The following UBAC2 variants were observed in gnomAD, a reference collection of about 807,000 sequenced individuals.
UBAC2 encodes the protein UBA domain containing 2, also known as ubiquitin-associated domain-containing protein 2.
A neutral mutation model predicts 44.0 loss-of-function variants in UBAC2; 26 were observed. That is an observed-to-expected ratio of 0.59 (90% confidence interval 0.43 to 0.82). The LOEUF (loss-of-function observed/expected upper bound fraction) is 0.82, where lower values mean the gene tolerates loss of function less well. Among genes scored for constraint, UBAC2 ranks in the 40% least tolerant of loss-of-function variants. UBAC2 has a pLI of 0.00. For synonymous variants in UBAC2, 155 were observed against 154.3 expected (o/e 1.00, Z -0.04); for missense variants, 329 against 419.4 (o/e 0.78, Z 1.88).
chr13:99,355,769 GCC>G (rs933010176), intron 7 of UBAC2, among the ~76,000 whole-genome samples: 31 of 152,154 alleles, frequency 2.0e-4, no homozygotes, highest in African/African-American at 7.2e-4. Flanking sequence ...GGTGCCACAA[GCC>G]CCCCCGCAGC....
chr13:99,368,081 G>A (rs981397886), intron 8 of UBAC2, among the ~76,000 whole-genome samples, 175 bp downstream of exon 8: 8 of 151,688 alleles, frequency 5.3e-5, no homozygotes, highest in East Asian at 1.9e-4. Context: ...TGGTTCTTAC[G>A]AGTTTAAGGA....
intron 8 of UBAC2, among the ~76,000 whole-genome samples, chr13:99,376,177 G>A (rs2045478121): frequency 6.6e-6 from 1 of 152,202 alleles, no homozygotes; most frequent in Admixed American, 6.5e-5. Flanking sequence ...CACATTATTA[G>A]GGAATGTATT....
rs571060900 is a variant in UBAC2 at position 99,295,247 on chromosome 13, T to G, written c.390-18850T>G. On this transcript the variant is annotated intron_variant, in intron 4 of 8. Coordinates refer to ENST00000403766, the MANE Select transcript of UBAC2 (RefSeq NM_001144072.2). The surrounding 1 kb of genome is among the most constrained non-coding windows in gnomAD (Gnocchi z 4.1). Reference sequence around the variant, plus strand: ...GTAGATAAAAGGGTCCATGCAGCAATTGAAGTTCATCAGGCATACTGTAAA... The same window carrying G: ...GTAGATAAAAGGGTCCATGCAGCAAGTGAAGTTCATCAGGCATACTGTAAA... 11 of 1,614,134 alleles carry G rather than the reference T, an allele frequency of 6.8e-6. No individual in the cohort carries two copies. The East Asian group carries it at 1.8e-4, about 26-fold the overall frequency.
intron 4 of UBAC2, among the ~76,000 whole-genome samples, chr13:99,302,986 G>A (rs2044278789): frequency 7.2e-6 from 1 of 138,762 alleles, no homozygotes; most frequent in South Asian, 2.5e-4. Flanking sequence ...AGTTGACTGT[G>A]GTCCGTCTGT....
intron 4 of UBAC2, among the ~76,000 whole-genome samples, chr13:99,296,946 G>A (rs1261768632): frequency 6.6e-6 from 1 of 152,176 alleles, no homozygotes; most frequent in African/African-American, 2.4e-5. Flanking sequence ...ATAGTAGCAA[G>A]CATCACACTT....
chr13:99,384,471 GA>G (rs2045592315), intron 8 of UBAC2, among the ~76,000 whole-genome samples: 1 of 152,210 alleles, frequency 6.6e-6, no homozygotes, highest in Non-Finnish European at 1.5e-5. Flanking sequence ...AAAAGTACAG[GA>G]AATCTCCGTA....
At chr13:99,299,067 A>G (rs1446121467) in intron 4 of UBAC2, among the ~76,000 whole-genome samples, 3 of 152,176 alleles carry the variant, frequency 2.0e-5, no homozygotes, top group Admixed American at 6.5e-5. Flanking sequence ...CCATATGAAT[A>G]ATTATTATTG....
intron 4 of UBAC2, among the ~76,000 whole-genome samples, chr13:99,309,781 T>TG (rs1368159997): frequency 2.0e-5 from 3 of 151,748 alleles, no homozygotes; most frequent in Non-Finnish European, 4.4e-5. Context: ...TTGTATTTTT[T>TG]TGTGTGTGTG....
intron 7 of UBAC2, among the ~76,000 whole-genome samples, chr13:99,341,674 G>A (rs1340563980): frequency 2.6e-5 from 4 of 152,332 alleles, no homozygotes; most frequent in African/African-American, 9.6e-5. Context: ...AGTAAGTTCT[G>A]TAAGAGAAGA....
At chr13:99,221,277 A>G (rs559669189) in intron 1 of UBAC2, among the ~76,000 whole-genome samples, 25 of 152,172 alleles carry the variant, frequency 1.6e-4, no homozygotes, top group African/African-American at 5.1e-4. Flanking sequence ...ACCTCCACAA[A>G]CTGCAGTCTT....
intron 4 of UBAC2, among the ~76,000 whole-genome samples, chr13:99,270,362 A>G (rs1327824459): frequency 3.3e-5 from 5 of 152,246 alleles, no homozygotes; most frequent in African/African-American, 2.4e-5. Flanking sequence ...TGTTTTCACT[A>G]GAATGCACAT....
intron 1 of UBAC2, chr13:99,215,390 T>C (rs936328424): frequency 4.9e-6 from 6 of 1,227,102 alleles, no homozygotes; most frequent in Non-Finnish European, 7.2e-6. Flanking sequence ...TCTTCTGTTG[T>C]CCTTTCTTCC....
At chr13:99,309,851 A>G (rs1025804895) in intron 4 of UBAC2, among the ~76,000 whole-genome samples, 3 of 152,130 alleles carry the variant, frequency 2.0e-5, no homozygotes, top group Non-Finnish European at 4.4e-5. Context: ...ACCTCAAGCC[A>G]TCTGCCCACC....
At chr13:99,205,062 C>T (rs1260069524) in intron 1 of UBAC2, among the ~76,000 whole-genome samples, 1 of 152,050 alleles carries the variant, frequency 6.6e-6, no homozygotes, top group Non-Finnish European at 1.5e-5. Flanking sequence ...TGATGCCACA[C>T]CCGGCTAATT....
intron 1 of UBAC2, among the ~76,000 whole-genome samples, chr13:99,206,787 C>G (rs1456950080): frequency 6.6e-6 from 1 of 152,220 alleles, no homozygotes; most frequent in Non-Finnish European, 1.5e-5. Context: ...TCTATTTTGT[C>G]TTCGGCTCAA....
intron 1 of UBAC2, among the ~76,000 whole-genome samples, chr13:99,216,085 TGTG>T (rs2042992121): frequency 2.0e-5 from 1 of 51,198 alleles, no homozygotes; most frequent in Non-Finnish European, 5.2e-5. Context: ...CCTATATTTG[TGTG>T]TGTGTGTGTG....
intron 8 of UBAC2, among the ~76,000 whole-genome samples, chr13:99,373,432 C>T (rs1338190104): frequency 6.6e-6 from 1 of 152,166 alleles, no homozygotes; most frequent in Non-Finnish European, 1.5e-5. Flanking sequence ...TTCCTCTCTT[C>T]GATTCATGTC....
chr13:99,207,859 T>C (rs2042890849), intron 1 of UBAC2, among the ~76,000 whole-genome samples: 2 of 152,162 alleles, frequency 1.3e-5, no homozygotes, highest in Non-Finnish European at 2.9e-5. Context: ...GACACCAACA[T>C]TGACTCCTGA....
At chr13:99,366,475 A>G (rs2045332302) in intron 7 of UBAC2, among the ~76,000 whole-genome samples, 1 of 152,150 alleles carries the variant, frequency 6.6e-6, no homozygotes, top group Non-Finnish European at 1.5e-5. Flanking sequence ...CCCAAAACCA[A>G]TCTTTATGTA....
Sources: allele counts gnomAD v4.1 joint callset (sites outside exome capture counted in the v4.1 genomes callset), GRCh38; gene constraint gnomAD v4.1.1; non-coding constraint Gnocchi (gnomAD v3.1); transcripts MANE v1.5; gene names NCBI Gene and HGNC (gene_info 2026-07-23, HGNC 2026-07-21).